PAPOLA: variants seen among roughly 807,000 people sequenced by gnomAD.
PAPOLA encodes the protein poly(A) polymerase alpha, also known as polynucleotide adenylyltransferase alpha.
PAPOLA carries 15 observed loss-of-function variants against 100.6 expected under a neutral mutation model. The observed-to-expected ratio is 0.15, with a 90% CI of 0.10 to 0.23. PAPOLA has a LOEUF of 0.23. Among genes scored for constraint, PAPOLA ranks in the 10% least tolerant of loss-of-function variants. The pLI is 1.00. For missense variants in PAPOLA, 533 were observed against 884.2 expected (o/e 0.60, Z 5.04); for synonymous variants, 293 against 300.0 (o/e 0.98, Z 0.24).
chr14:96,561,898 T>C (rs1462979026), intron 20 of PAPOLA, among the ~76,000 whole-genome samples: 1 of 151,950 alleles, frequency 6.6e-6, no homozygotes, highest in East Asian at 1.9e-4. Flanking sequence ...CTTTGTCCTT[T>C]TTTTGGTTTT....
chr14:96,543,700 C>A, intron 14 of PAPOLA, among the ~76,000 whole-genome samples: 1 of 152,020 alleles, frequency 6.6e-6, no homozygotes, highest in African/African-American at 2.4e-5. Flanking sequence ...CTAATTACTC[C>A]TGTTATGCTT....
intron 19 of PAPOLA, among the ~76,000 whole-genome samples, chr14:96,559,802 C>T (rs1267150966): frequency 6.6e-6 from 1 of 151,544 alleles, no homozygotes; most frequent in African/African-American, 2.4e-5. Context: ...TGAAGCAAAC[C>T]CCAGGCATAA....
intron 3 of PAPOLA, among the ~76,000 whole-genome samples, chr14:96,522,912 G>A (rs928151721): frequency 7.9e-5 from 12 of 152,256 alleles, no homozygotes; most frequent in Admixed American, 5.9e-4. Context: ...AGGTTGAAAA[G>A]AGAACCAAGG....
intron 6 of PAPOLA, among the ~76,000 whole-genome samples, chr14:96,529,744 A>C (rs551902047): frequency 3.3e-5 from 5 of 152,156 alleles, no homozygotes; most frequent in South Asian, 4.1e-4. Flanking sequence ...AAACAAACAA[A>C]AAAAAAGTGA....
At chr14:96,535,361 A>G (rs1899424937) in intron 10 of PAPOLA, 1 of 979,932 alleles carries the variant, frequency 1.0e-6, no homozygotes, top group Non-Finnish European at 1.2e-6. Flanking sequence ...ACTGATATAC[A>G]GATTTAAAAT....
intron 1 of PAPOLA, among the ~76,000 whole-genome samples, chr14:96,517,063 T>C (rs1897526272): frequency 6.6e-6 from 1 of 152,228 alleles, no homozygotes; most frequent in African/African-American, 2.4e-5. Flanking sequence ...AGAAACATAT[T>C]ACTCGCACAA....
At chr14:96,552,914 C>T in intron 17 of PAPOLA, 1 of 332,926 alleles carries the variant, frequency 3.0e-6, no homozygotes, top group South Asian at 4.0e-5. Context: ...CTACAGTGCA[C>T]TGTATGGTGT....
In PAPOLA at chr14:96,560,645, A is replaced by G; in HGVS notation, c.2005-4A>G. ...GAGAATAAAGCTTTTTTTTTTAAAA[A>G]CAGGATGAAACAAGTGAAGATGCTA... On this transcript the variant is annotated splice_region_variant and splice_polypyrimidine_tract_variant and intron_variant, in intron 19 of 21. Coordinates refer to ENST00000216277, the MANE Select transcript of PAPOLA (RefSeq NM_032632.5). 1.3e-6 allele frequency: 2 copies of G among 1,594,096 alleles called. No individual in the cohort carries two copies. Among genetic ancestry groups the G allele is most frequent in the African/African-American group, 1.4e-5 (1 of 74,042 alleles).
chr14:96,546,174 G>C (rs1015666041), intron 15 of PAPOLA, among the ~76,000 whole-genome samples: 1 of 152,018 alleles, frequency 6.6e-6, no homozygotes, highest in African/African-American at 2.4e-5. Flanking sequence ...ATCAGTCTTT[G>C]ACTCCTGTTT....
chr14:96,534,926 A>G (rs529456280), intron 10 of PAPOLA: 5 of 1,003,318 alleles, frequency 5.0e-6, no homozygotes, highest in South Asian at 4.5e-5. Context: ...GTATTATGCT[A>G]AAGTTGGGTT....
intron 1 of PAPOLA, among the ~76,000 whole-genome samples, chr14:96,509,474 T>A (rs1896957974): frequency 6.6e-6 from 1 of 152,248 alleles, no homozygotes; most frequent in South Asian, 2.1e-4. Flanking sequence ...TAGTGTATAC[T>A]TGTAGTATAC....
At position 96,552,776 on chromosome 14, in the gene PAPOLA, G is replaced by T. The variant is rs1162474551; in HGVS notation, c.1664+154G>T. ...TAGCAATTTAATTCCCAGGTTTGGGGATAGTACTTTTTGGTTTTGTCTTGT... is the reference window on the plus strand; with the variant it reads ...TAGCAATTTAATTCCCAGGTTTGGGTATAGTACTTTTTGGTTTTGTCTTGT... On this transcript the variant is annotated intron_variant, in intron 17 of 21. Transcript: ENST00000216277. 7 of 674,258 alleles carry T rather than the reference G, an allele frequency of 1.0e-5. No homozygotes were observed. The East Asian group carries it at 2.0e-4, about 19-fold the overall frequency. 41.8% of individuals were successfully genotyped at this position (674,258 alleles called of 1,614,324 possible). A position where few individuals can be genotyped will look rare whatever the true frequency, so the allele number is the denominator to read the frequency against.
In PAPOLA at chr14:96,536,888, A is replaced by G. The variant is rs372792625; in HGVS notation, c.1031-88A>G. ...GTTAAAATTCTGGTTTTAGGATTATAGTGAGTGCATGTAGTATGATTAAGA... is the reference window on the plus strand; with the variant it reads ...GTTAAAATTCTGGTTTTAGGATTATGGTGAGTGCATGTAGTATGATTAAGA... On this transcript the variant is annotated intron_variant, in intron 11 of 21. Coordinates refer to ENST00000216277, the MANE Select transcript of PAPOLA (RefSeq NM_032632.5). 78 of 747,760 alleles carry G rather than the reference A, an allele frequency of 1.0e-4. No homozygotes were observed. The African/African-American group carries it at 1.2e-3, about 11-fold the overall frequency. The allele number at this position is 747,760 out of a possible 1,614,324, so 46.3% of individuals were successfully genotyped here. A position where few individuals can be genotyped will look rare whatever the true frequency, so the allele number is the denominator to read the frequency against.
intron 1 of PAPOLA, among the ~76,000 whole-genome samples, chr14:96,517,543 T>G (rs776281985): frequency 2.6e-5 from 4 of 152,320 alleles, no homozygotes; most frequent in Middle Eastern, 3.4e-3. Context: ...TTTTGGTATG[T>G]CAGTGATATC....
chr14:96,561,247 T>C (rs573973323), intron 20 of PAPOLA, among the ~76,000 whole-genome samples: 52 of 150,264 alleles, frequency 3.5e-4, no homozygotes, highest in East Asian at 3.3e-3. Context: ...AATTTTTTTT[T>C]CCCCAAAATG....
chr14:96,544,308 A>C (rs768168752), intron 15 of PAPOLA, 50 bp downstream of exon 15: 2 of 882,132 alleles, frequency 2.3e-6, no homozygotes, highest in East Asian at 2.4e-5. Context: ...GCATATTTCA[A>C]ATTGTCTTGA....
chr14:96,520,378 GA>G (rs1897848512), intron 2 of PAPOLA, 150 bp downstream of exon 2: 15 of 633,974 alleles, frequency 2.4e-5, no homozygotes, highest in Middle Eastern at 4.3e-4. Context: ...ACTTAAGAGA[GA>G]AAACTTTTTG....
chr14:96,531,382 A>G (rs574218679), intron 6 of PAPOLA, 93 bp from the exon 7 acceptor site: 38 of 947,644 alleles, frequency 4.0e-5, no homozygotes, highest in Non-Finnish European at 5.5e-5. Flanking sequence ...TCAGCCTCCC[A>G]GAGTGCTGGG....
intron 20 of PAPOLA, 102 bp from the exon 21 acceptor site, chr14:96,562,717 T>C: frequency 1.5e-6 from 1 of 680,428 alleles, no homozygotes; most frequent in African/African-American, 1.8e-5. Context: ...TGATCCCTCC[T>C]GTCTTCCAGT....
Sources: gnomAD v4.1 joint callset for allele counts (sites outside exome capture counted in the v4.1 genomes callset) on GRCh38, gnomAD v4.1.1 for gene constraint, MANE v1.5 for transcripts, NCBI Gene and HGNC (gene_info 2026-07-23, HGNC 2026-07-21) for gene names.